The following NDC1 variants were observed in gnomAD, a reference collection of about 807,000 sequenced individuals.
The protein encoded by NDC1 is NDC1 transmembrane nucleoporin.
A neutral mutation model predicts 89.8 loss-of-function variants in NDC1; 24 were observed. The observed-to-expected ratio is 0.27, with a 90% CI of 0.19 to 0.38. The LOEUF is 0.38. NDC1 is among the 10% of genes least tolerant of loss of function. NDC1 has a pLI of 1.00. For synonymous variants in NDC1, 296 were observed against 284.8 expected (o/e 1.04, Z -0.39); for missense variants, 728 against 797.6 (o/e 0.91, Z 1.05).
intron 3 of NDC1, among the ~76,000 whole-genome samples, chr1:53,828,665 G>A (rs78607052): frequency 6.6e-6 from 1 of 151,956 alleles, no homozygotes; most frequent in African/African-American, 2.4e-5. Flanking sequence ...AGGCTGGAGT[G>A]CAGTGGCGCA....
rs563838744 is a variant in NDC1, at chr1:53,830,922, C to CA, written c.280+1567dup. Among the ~76,000 whole-genome samples the CA allele has an allele frequency of 5.1e-4, 74 of 146,248 alleles. 1 individual carries two copies. The highest frequency in any genetic ancestry group is 1.0e-3 in the Non-Finnish European group (69 of 66,540). On this transcript the variant is annotated intron_variant, in intron 3 of 17. Coordinates refer to ENST00000371429, the MANE Select transcript of NDC1 (RefSeq NM_018087.5). ...ATGATCCTACCGCATCTGTTTCTCT[C>CA]AAAAAAAATAATAAATAGGCCAAGC... is the stretch of plus-strand genomic sequence containing the variant.
At chr1:53,807,569 C>T (rs1380329821) in intron 8 of NDC1, 87 bp downstream of exon 8, 7 of 1,115,226 alleles carry the variant, frequency 6.3e-6, no homozygotes, top group Non-Finnish European at 8.8e-6. Context: ...AATGGTTTTG[C>T]GTGTGCTGAT....
chr1:53,799,863 G>C (rs1473630906), intron 11 of NDC1, among the ~76,000 whole-genome samples: 1 of 152,190 alleles, frequency 6.6e-6, no homozygotes, highest in East Asian at 1.9e-4. Context: ...TGGTGAACAA[G>C]ACAGGTTCCT....
At position 53,824,431 on chromosome 1, in the gene NDC1, A is replaced by G. The variant is rs529385726; in HGVS notation, c.594+1367T>C. On this transcript the variant is annotated intron_variant, in intron 5 of 17. Transcript: ENST00000371429. ...ACTTTAGTTAATCCAACACATTCTTATATGTTATACTCTTATAATAATATA... is the reference window on the plus strand; with the variant it reads ...ACTTTAGTTAATCCAACACATTCTTGTATGTTATACTCTTATAATAATATA... Among the ~76,000 whole-genome samples, 8 of 152,162 alleles carry G rather than the reference A, an allele frequency of 5.3e-5. No individual in the cohort carries two copies. In the South Asian group the frequency reaches 1.7e-3, roughly 32 times the overall value.
intron 3 of NDC1, 72 bp downstream of exon 3, chr1:53,832,417 TA>T: frequency 5.2e-6 from 4 of 766,864 alleles, no homozygotes; most frequent in African/African-American, 1.7e-5. Flanking sequence ...CATTCACATA[TA>T]AAATGTACTA....
intron 16 of NDC1, among the ~76,000 whole-genome samples, chr1:53,781,606 A>G (rs1334782505): frequency 1.3e-5 from 2 of 152,190 alleles, no homozygotes; most frequent in Non-Finnish European, 2.9e-5. Flanking sequence ...TTCATACTGA[A>G]AAGTAAAACA....
At chr1:53,837,794 C>T (rs549930539) in intron 1 of NDC1, among the ~76,000 whole-genome samples, 5 of 152,310 alleles carry the variant, frequency 3.3e-5, no homozygotes, top group African/African-American at 1.2e-4. Flanking sequence ...GAACACCTGC[C>T]CTGCTTACTG....
intron 1 of NDC1, among the ~76,000 whole-genome samples, chr1:53,835,827 A>C (rs993411877): frequency 6.6e-6 from 1 of 152,232 alleles, no homozygotes; most frequent in Non-Finnish European, 1.5e-5. Context: ...AGTTAGGTGC[A>C]ACATCAAATA....
chr1:53,817,519 C>T (rs1648521760), intron 6 of NDC1, among the ~76,000 whole-genome samples: 1 of 152,090 alleles, frequency 6.6e-6, no homozygotes, highest in African/African-American at 2.4e-5. Context: ...TAAAAGACTA[C>T]AAATAAGGTG....
intron 6 of NDC1, among the ~76,000 whole-genome samples, chr1:53,811,659 C>G (rs969095008): frequency 2.7e-5 from 4 of 149,766 alleles, no homozygotes; most frequent in African/African-American, 7.6e-5. Context: ...TCCCCACCCC[C>G]ACCTGATGGT....
rs761063573 is a variant in NDC1, at chr1:53,768,015, T to C, written c.1980A>G (p.Ala660=). The change falls in exon 18 of 18, where the codon GCA becomes GCG. Residue 660 remains alanine (A), a synonymous_variant. Coordinates refer to ENST00000371429, the MANE Select transcript of NDC1 (RefSeq NM_018087.5). ...ACTGTTGAAGTCTTTTCTGATGTTC[T>C]GCAGATGCTTGCACAGCACTAAATG... is the stretch of plus-strand genomic sequence containing the variant. The part of the protein sequence containing the change: ...GEHLNAVQAS[A]EHQKRLQQFL... 1 of 1,608,414 alleles carries C rather than the reference T, an allele frequency of 6.2e-7. No individual in the cohort carries two copies. Among genetic ancestry groups the C allele is most frequent in the Non-Finnish European group, 8.5e-7 (1 of 1,177,294 alleles).
Position 53,801,685 on chromosome 1 carries a change from C to T in NDC1, c.1067-837G>A, listed in dbSNP as rs140699333. Among the ~76,000 whole-genome samples the T allele has an allele frequency of 1.4e-3, 216 of 152,328 alleles. 2 individuals are homozygous for T. Among genetic ancestry groups the T allele is most frequent in the Admixed American group, 5.4e-3 (83 of 15,294 alleles). On this transcript the variant is annotated intron_variant, in intron 10 of 17. Coordinates refer to ENST00000371429, the MANE Select transcript of NDC1 (RefSeq NM_018087.5). ...CCTACAAACACACACACACAATACT[C>T]TATCACTAGGCCTCAGGATGTTTTG... is the stretch of plus-strand genomic sequence containing the variant.
At chr1:53,795,666 G>T (rs1362001582) in intron 13 of NDC1, among the ~76,000 whole-genome samples, 3 of 151,960 alleles carry the variant, frequency 2.0e-5, no homozygotes, top group Non-Finnish European at 4.4e-5. Context: ...CCTAGACCTT[G>T]ACCACATCTT....
At chr1:53,825,453 C>CAAAA (rs369960654) in intron 5 of NDC1, among the ~76,000 whole-genome samples, 4,232 of 125,992 alleles carry the variant, frequency 0.034, 222 homozygotes, top group Middle Eastern at 0.052. Flanking sequence ...AGACTGTCTC[C>CAAAA]AAAAAAAAAG....
chr1:53,807,021 AT>A (rs1010350338), intron 8 of NDC1, among the ~76,000 whole-genome samples: 2 of 152,016 alleles, frequency 1.3e-5, no homozygotes, highest in African/African-American at 4.8e-5. Context: ...TCGAGGACAG[AT>A]CATTTTGAGG....
At chr1:53,829,452 C>T (rs1293254430) in intron 3 of NDC1, among the ~76,000 whole-genome samples, 2 of 152,212 alleles carry the variant, frequency 1.3e-5, no homozygotes, top group Non-Finnish European at 2.9e-5. Flanking sequence ...TCCTGCAAGG[C>T]TTGGTTTAAG....
intron 16 of NDC1, among the ~76,000 whole-genome samples, chr1:53,772,727 A>ATAACATAACATAACATAACG (rs1318013514): frequency 2.0e-5 from 3 of 151,588 alleles, no homozygotes; most frequent in African/African-American, 7.3e-5. Context: ...ATAACAAAAC[A>ATAACATAACATAACATAACG]AAACAAACAT....
chr1:53,805,955 T>C (rs1648091135), intron 9 of NDC1, among the ~76,000 whole-genome samples: 1 of 152,086 alleles, frequency 6.6e-6, no homozygotes, highest in Non-Finnish European at 1.5e-5. Flanking sequence ...GCGCCTGTAA[T>C]CCCAGCTACA....
At chr1:53,781,919 C>T (rs1647211984) in intron 16 of NDC1, among the ~76,000 whole-genome samples, 1 of 152,206 alleles carries the variant, frequency 6.6e-6, no homozygotes, top group South Asian at 2.1e-4. Flanking sequence ...TGCAATCCAG[C>T]AGCCATCCAA....
Sources: gnomAD v4.1 joint callset for allele counts (sites outside exome capture counted in the v4.1 genomes callset) on GRCh38, gnomAD v4.1.1 for gene constraint, MANE v1.5 for transcripts, NCBI Gene and HGNC (gene_info 2026-07-23, HGNC 2026-07-21) for gene names.